Variants in ITGAE observed in about 807,000 individuals in gnomAD.
ITGAE encodes integrin alpha-E.
Under a neutral mutation model 136.5 loss-of-function variants are expected in ITGAE, and 99 were observed. That is an observed-to-expected ratio of 0.73 (90% CI 0.62 to 0.86). The LOEUF (loss-of-function observed/expected upper bound fraction) is 0.86, where lower values mean the gene tolerates loss of function less well. Ranked by LOEUF, ITGAE falls within the 40% of genes least tolerant of loss-of-function variation. ITGAE has a pLI of 0.00. For synonymous variants in ITGAE, 613 were observed against 591.8 expected, an observed-to-expected ratio of 1.04 and a Z score of -0.52; for missense variants, 1,447 against 1,515.3, an observed-to-expected ratio of 0.95 and a Z score of 0.75.
At chr17:3,740,978 A>G (rs1020655487) in intron 19 of ITGAE, among the ~76,000 whole-genome samples, 1 of 151,078 alleles carries the variant, frequency 6.6e-6, no homozygotes, top group Non-Finnish European at 1.5e-5. Flanking sequence ...GGAACTTTCT[A>G]CTTCCTGCGG....
At chr17:3,778,885 C>T (rs945179742) in intron 1 of ITGAE, among the ~76,000 whole-genome samples, 4 of 152,142 alleles carry the variant, frequency 2.6e-5, no homozygotes, top group African/African-American at 4.8e-5. Context: ...ACAAATAACA[C>T]GAGCCCTGTC....
chr17:3,740,317 A>G (rs775997950), intron 19 of ITGAE, among the ~76,000 whole-genome samples: 10 of 152,190 alleles, frequency 6.6e-5, no homozygotes, highest in Non-Finnish European at 1.5e-4. Context: ...CTAGCCAAAT[A>G]TCGTCAAGGT....
chr17:3,727,216 A>G lies in ITGAE; in HGVS notation c.3084+703T>C, dbSNP rs532748372. Among the ~76,000 whole-genome samples, 12 of 152,234 alleles carry G rather than the reference A, an allele frequency of 7.9e-5. No homozygotes were observed. The South Asian group carries it at 1.9e-3, about 24-fold the overall frequency. ...ACCAGACTACAGATGAGACAACTGA[A>G]AGCAAAGAGGCTGAGGCAAAGCAGA... is the stretch of plus-strand genomic sequence containing the variant. On this transcript the variant is annotated intron_variant, in intron 26 of 30. Coordinates refer to ENST00000263087, the MANE Select transcript of ITGAE (RefSeq NM_002208.5).
chr17:3,726,063 C>A (rs559414438), intron 26 of ITGAE: 12 of 1,614,194 alleles, frequency 7.4e-6, no homozygotes, highest in Non-Finnish European at 1.0e-5. Context: ...GGATGAGGAC[C>A]TGTTTACCGG....
chr17:3,720,338 T>C lies in ITGAE; in HGVS notation c.3302A>G (p.Glu1101Gly). Residue 1101 changes from glutamate (E) to glycine (G), a missense_variant, in exon 29 of 31, where the codon GAG becomes GGG. By Grantham distance (98) the Glu-to-Gly change is moderately conservative. Transcript: ENST00000263087. ...GEISFNKSLY[E>G]GLNAENHRTK... Reference sequence around the variant, plus strand: ...TCTGTGGTTCTCTGCATTCAGTCCCTCATATAGAGATTTGTTGAAAGATAT... The same window carrying C: ...TCTGTGGTTCTCTGCATTCAGTCCCCCATATAGAGATTTGTTGAAAGATAT... 1 of 1,589,470 alleles carries C rather than the reference T, an allele frequency of 6.3e-7. No individual in the cohort carries two copies. Among genetic ancestry groups the C allele is most frequent in the East Asian group, 2.2e-5 (1 of 44,764 alleles).
In ITGAE at chr17:3,795,989, C is replaced by G. The variant is rs1156695701; in HGVS notation, c.34+5122G>C. ...TGCGTGTGTGCATCCGTGTGTGCAT[C>G]TGTGTGTGCATCCGTGTGTGCATCC... On this transcript the variant is annotated intron_variant, in intron 1 of 30. Transcript: ENST00000263087. Among the ~76,000 whole-genome samples the G allele has an allele frequency of 3.5e-4, 45 of 127,178 alleles. 1 individual carries two copies. The highest frequency in any genetic ancestry group is 9.0e-4 in the African/African-American group (29 of 32,122). The allele number at this position is 127,178 out of a possible 152,430, so 83.4% of individuals were successfully genotyped here.
At chr17:3,768,356 C>T (rs961596033) in intron 2 of ITGAE, among the ~76,000 whole-genome samples, 1 of 152,126 alleles carries the variant, frequency 6.6e-6, no homozygotes, top group African/African-American at 2.4e-5. Flanking sequence ...AACTCCTGGG[C>T]TCAGGTAATC....
intron 15 of ITGAE, among the ~76,000 whole-genome samples, chr17:3,751,386 C>G (rs1198520205): frequency 6.6e-6 from 1 of 151,648 alleles, no homozygotes; most frequent in African/African-American, 2.4e-5. Context: ...GGGAAGGAGA[C>G]AGGTACCGCC....
chr17:3,733,664 G>T (rs1044714184), intron 21 of ITGAE, among the ~76,000 whole-genome samples: 3 of 151,998 alleles, frequency 2.0e-5, no homozygotes, highest in Admixed American at 6.6e-5. Context: ...CAGGTGATCC[G>T]CCCGCCTCGG....
intron 19 of ITGAE, among the ~76,000 whole-genome samples, chr17:3,740,857 C>T (rs765857242): frequency 2.0e-4 from 30 of 152,276 alleles, no homozygotes; most frequent in African/African-American, 5.8e-4. Flanking sequence ...GCCAGCTCCT[C>T]GGCTGGAGAG....
At position 3,731,144 on chromosome 17, in the gene ITGAE, A is replaced by G. The variant is rs1387055188; in HGVS notation, c.2794T>C (p.Phe932Leu). 6.2e-7 allele frequency: 1 copy of G among 1,613,834 alleles called. No individual in the cohort carries two copies. Among genetic ancestry groups the G allele is most frequent in the South Asian group, 1.1e-5 (1 of 91,076 alleles). Residue 932 changes from phenylalanine (F) to leucine (L), a missense_variant, in exon 23 of 31, where the codon TTT becomes CTT. Physicochemically the swap from Phe to Leu is conservative, Grantham distance 22. This residue lies in a region of ITGAE where 1,031 missense variants were observed against 1,011.4 expected (regional missense o/e 1.02). Transcript: ENST00000263087. The stretch of plus-strand genomic sequence containing the variant: ...GTGATGTCTGCTGTCCTGTTTGGAA[A>G]GGCATTCTCCTCTAGCTGCCAAACG... ...SVVWQLEENA[F>L]PNRTADITVT...
At chr17:3,729,228 G>T (rs1000076146) in intron 24 of ITGAE, 1 of 455,972 alleles carries the variant, frequency 2.2e-6, no homozygotes. Flanking sequence ...CCTCCACAGC[G>T]TCATATTAAT....
intron 28 of ITGAE, 73 bp downstream of exon 28, chr17:3,723,215 C>CTATTAT (rs1266123487): frequency 9.9e-7 from 1 of 1,010,750 alleles, no homozygotes; most frequent in African/African-American, 1.6e-5. Flanking sequence ...TGCAAAGATG[C>CTATTAT]TATTATCTCT....
At chr17:3,741,814 C>T (rs541367104) in intron 19 of ITGAE, among the ~76,000 whole-genome samples, 3 of 152,278 alleles carry the variant, frequency 2.0e-5, no homozygotes, top group Non-Finnish European at 4.4e-5. Flanking sequence ...TGGTGGCTCA[C>T]GTCTGTAATC....
chr17:3,763,089 C>T (rs1385715741), intron 3 of ITGAE, among the ~76,000 whole-genome samples: 1 of 152,144 alleles, frequency 6.6e-6, no homozygotes, highest in Non-Finnish European at 1.5e-5. Flanking sequence ...GATGGGGTTT[C>T]ATCATATTGG....
chr17:3,753,811 C>G lies in ITGAE; in HGVS notation c.1499G>C (p.Ser500Thr). 4 of 1,614,222 alleles carry G rather than the reference C, an allele frequency of 2.5e-6. No homozygotes were observed. Among genetic ancestry groups the G allele is most frequent in the Non-Finnish European group, 3.4e-6 (4 of 1,180,040 alleles). The change falls in exon 13 of 31, where the codon AGC (serine) becomes ACC (threonine). Residue 500 changes from serine to threonine, a missense_variant. Around this residue, in one of 3 missense-constraint regions of ITGAE, gnomAD observed 1,031 missense variants for 1,011.4 expected, o/e 1.02. Coordinates refer to ENST00000263087, the MANE Select transcript of ITGAE (RefSeq NM_002208.5). The part of the protein sequence containing the change: ...FELQKEGREA[S>T]FLPVLEGEQM... Reference sequence around the variant, plus strand: ...CTCTCCCTCCAGCACTGGCAGGAAGCTGGCCTCTCTGCCCTCCTTCTGGAG... The same window carrying G: ...CTCTCCCTCCAGCACTGGCAGGAAGGTGGCCTCTCTGCCCTCCTTCTGGAG...
At chr17:3,734,767 G>C (rs576137971) in intron 21 of ITGAE, 50 bp downstream of exon 21, 1 of 1,609,154 alleles carries the variant, frequency 6.2e-7, no homozygotes, top group East Asian at 2.2e-5. Context: ...CAGGCATGCA[G>C]CGAGGGAGGG....
rs943918974 is a variant in ITGAE, at chr17:3,761,023, C to T, written c.588G>A (p.Glu196=). ...EDKEEEEDEE[E]EEAGTEIAII... ...TCTGCCTCTTCTCACCAGCTTCCTC[C>T]TCCTCCTCGTCTTCCTCCTCCTCCT... The change falls in exon 6 of 31, where the codon GAG becomes GAA. Residue 196 remains glutamate, a synonymous_variant. Coordinates refer to ENST00000263087, the MANE Select transcript of ITGAE (RefSeq NM_002208.5). The T allele has an allele frequency of 6.9e-6, 11 of 1,602,500 alleles. No homozygotes were observed. The highest frequency in any genetic ancestry group is 1.8e-4 in the Middle Eastern group (1 of 5,706).
Position 3,743,500 on chromosome 17 carries a change from C to G in ITGAE, c.2437G>C (p.Ala813Pro). The G allele has an allele frequency of 6.3e-7, 1 of 1,596,266 alleles. No individual in the cohort carries two copies. Among genetic ancestry groups the G allele is most frequent in the Non-Finnish European group, 8.5e-7 (1 of 1,173,562 alleles). Residue 813 changes from alanine (A) to proline (P), a missense_variant, in exon 19 of 31, where the codon GCC becomes CCC. By Grantham distance (27) the Ala-to-Pro change is conservative (BLOSUM62 -1). Transcript: ENST00000263087. The part of the protein sequence containing the change: ...PILDRYTEPF[A>P]IFQLPYEKAC... ...GTGGGTAGAGTCACCTGGAAGATGG[C>G]AAAGGGCTCAGTGTAGCGGTCCAGG...
Sources: gnomAD v4.1 joint callset for allele counts (sites outside exome capture counted in the v4.1 genomes callset) on GRCh38, gnomAD v4.1.1 for gene constraint, gnomAD v4.1.1 regional missense constraint, MANE v1.5 for transcripts, NCBI Gene and HGNC (gene_info 2026-07-23, HGNC 2026-07-21) for gene names.